Variants in DNAJB1 observed in about 807,000 individuals in gnomAD.
The protein encoded by DNAJB1 is DnaJ heat shock protein family (Hsp40) member B1.
DNAJB1 carries 14 observed loss-of-function variants against 24.0 expected under a neutral mutation model. The observed-to-expected ratio is 0.58, with a 90% confidence interval of 0.39 to 0.91. The LOEUF is 0.91. DNAJB1 is among the 40% of genes least tolerant of loss of function. The pLI is 0.00. For missense variants in DNAJB1, 517 were observed against 458.1 expected, an observed-to-expected ratio of 1.13 and a Z score of -1.17; for synonymous variants, 262 against 174.4, an observed-to-expected ratio of 1.50 and a Z score of -3.96.
At chr19:14,535,588 A>ATG (rs1260818943) in intron 1 of DNAJB1, among the ~76,000 whole-genome samples, 2 of 40,750 alleles carry the variant, frequency 4.9e-5, no homozygotes, top group Non-Finnish European at 1.1e-4. Flanking sequence ...ATATATATAT[A>ATG]TGTATGTATA....
chr19:14,517,995 GGAGGCCCGC>G (rs1240711607), intron 1 of DNAJB1, 135 bp downstream of exon 1: 4 of 897,934 alleles, frequency 4.5e-6, no homozygotes, highest in Non-Finnish European at 6.1e-6. Flanking sequence ...ATCCGAGGGC[GGAGGCCCGC>G]GAGGCCGGAG....
chr19:14,531,486 G>C (rs2146547274), upstream of DNAJB1: 1 of 152,024 alleles, frequency 6.6e-6, no homozygotes, highest in African/African-American at 2.4e-5. Context: ...GCAATGGCGT[G>C]ATCTTGGCTC....
upstream of DNAJB1, among the ~76,000 whole-genome samples, chr19:14,521,417 C>T (rs1434330663): frequency 6.6e-6 from 1 of 151,164 alleles, no homozygotes; most frequent in East Asian, 1.9e-4. Flanking sequence ...CAAGATCGTG[C>T]CACTGTGCTC....
upstream of DNAJB1, chr19:14,529,783 G>C: frequency 6.2e-7 from 1 of 1,607,438 alleles, no homozygotes; most frequent in Non-Finnish European, 8.5e-7. Context: ...GGGACCACGG[G>C]ACCCCACTTT....
At chr19:14,529,642 G>A, upstream of DNAJB1, 2 of 1,613,316 alleles carry the variant, frequency 1.2e-6, no homozygotes, top group Non-Finnish European at 8.5e-7. Context: ...CCTGTGCTGT[G>A]CCGCGCAGTT....
chr19:14,524,369 G>A (rs909324293), intron 2 of DNAJB1, among the ~76,000 whole-genome samples: 2 of 151,646 alleles, frequency 1.3e-5, no homozygotes, highest in East Asian at 3.9e-4. Context: ...TATCTGCAAA[G>A]AATGACAAAG....
At chr19:14,536,359 T>A (rs2072899268) in intron 1 of DNAJB1, among the ~76,000 whole-genome samples, 1 of 150,454 alleles carries the variant, frequency 6.6e-6, no homozygotes, top group South Asian at 2.1e-4. Flanking sequence ...AACCTCTGCC[T>A]CCTGGGTTCA....
chr19:14,550,807 C>T (rs543771078), upstream of DNAJB1, among the ~76,000 whole-genome samples: 2 of 151,940 alleles, frequency 1.3e-5, no homozygotes, highest in African/African-American at 2.4e-5. Context: ...CAGCCTCCCC[C>T]GTAGCTGGGA....
rs536979801 is a variant in DNAJB1 at position 14,557,027 on chromosome 19, C to T, written c.-2165-2709G>A. ...TGGGCCCCTTCAAGAGCATGGTCAG[C>T]GTCCCAGGAGAAGGGGCCTGTGGAT... On this transcript the variant is annotated intron_variant, in intron 1 of 5. Transcript: ENST00000679223. Among the ~76,000 whole-genome samples, 281 of 152,284 alleles carry T rather than the reference C, an allele frequency of 1.8e-3. 1 individual carries two copies. Among genetic ancestry groups the T allele is most frequent in the African/African-American group, 6.5e-3 (271 of 41,566 alleles).
In DNAJB1 at chr19:14,515,006, A is replaced by G. The variant is rs2072231194; in HGVS notation, c.*934T>C. ...GACAGGTTTTGAGTGTACACCAACT[A>G]TACATGGAATTATAAAAACATATTT... On this transcript the variant is annotated 3_prime_UTR_variant, in exon 3 of 3. Coordinates refer to ENST00000254322, the MANE Select transcript of DNAJB1 (RefSeq NM_006145.3). 1 of 152,548 alleles carries G rather than the reference A, an allele frequency of 6.6e-6. No individual in the cohort carries two copies. Among genetic ancestry groups the G allele is most frequent in the Admixed American group, 6.6e-5 (1 of 15,262 alleles). The allele number at this position is 152,548 out of a possible 1,614,324, so 9.4% of individuals were successfully genotyped here.
upstream of DNAJB1, among the ~76,000 whole-genome samples, chr19:14,554,126 G>C (rs1182224815): frequency 6.6e-6 from 1 of 152,176 alleles, no homozygotes; most frequent in Non-Finnish European, 1.5e-5. Context: ...ATGCACGCGT[G>C]GTCTTCTGGG....
At chr19:14,545,252 G>C (rs2073260568) in intron 1 of DNAJB1, 1 of 455,648 alleles carries the variant, frequency 2.2e-6, no homozygotes, top group Admixed American at 2.4e-5. Context: ...AATTTACTCT[G>C]TTCCAGCCTC....
chr19:14,549,937 T>C (rs1599459793), intron 1 of DNAJB1, among the ~76,000 whole-genome samples: 2 of 151,236 alleles, frequency 1.3e-5, no homozygotes, highest in East Asian at 3.9e-4. Context: ...AGTGAGACTC[T>C]GTCTCAAAAA....
At chr19:14,529,913 C>T, upstream of DNAJB1, 1 of 740,964 alleles carries the variant, frequency 1.3e-6, no homozygotes, top group East Asian at 2.7e-5. Context: ...AAATCTGCAA[C>T]CCAGGCTGTT....
upstream of DNAJB1, among the ~76,000 whole-genome samples, chr19:14,521,028 A>C (rs566768179): frequency 6.6e-6 from 1 of 152,276 alleles, no homozygotes; most frequent in South Asian, 2.1e-4. Context: ...TATCAGGAGC[A>C]TTATGGGGAA....
At chr19:14,528,295 A>G (rs1024296835) in intron 1 of DNAJB1, among the ~76,000 whole-genome samples, 5 of 141,926 alleles carry the variant, frequency 3.5e-5, no homozygotes, top group African/African-American at 1.3e-4. Flanking sequence ...GCTGGAGTGT[A>G]GTGGCGAGAT....
At chr19:14,546,724 G>C (rs894071679) in intron 1 of DNAJB1, among the ~76,000 whole-genome samples, 2 of 151,988 alleles carry the variant, frequency 1.3e-5, no homozygotes, top group Admixed American at 1.3e-4. Flanking sequence ...TTGCTCTGTT[G>C]CCCTGGCTGG....
upstream of DNAJB1, among the ~76,000 whole-genome samples, chr19:14,521,626 G>C (rs139274150): frequency 1.3e-5 from 2 of 152,032 alleles, no homozygotes; most frequent in South Asian, 2.1e-4. Flanking sequence ...AGGAAGTTTT[G>C]TTTGTTTGTT....
At chr19:14,541,436 G>A (rs2073094049) in intron 1 of DNAJB1, among the ~76,000 whole-genome samples, 1 of 152,220 alleles carries the variant, frequency 6.6e-6, no homozygotes, top group Non-Finnish European at 1.5e-5. Context: ...TTGTGGGCAG[G>A]TCCTGCTGGT....
Sources: allele counts gnomAD v4.1 joint callset (sites outside exome capture counted in the v4.1 genomes callset), GRCh38; gene constraint gnomAD v4.1.1; transcripts MANE v1.5; gene names NCBI Gene and HGNC (gene_info 2026-07-23, HGNC 2026-07-21).